GLDC: variants seen among roughly 807,000 people sequenced by gnomAD.
GLDC encodes glycine decarboxylase.
A neutral mutation model predicts 121.3 loss-of-function variants in GLDC; 104 were observed. That is an observed-to-expected ratio of 0.86 (90% CI 0.73 to 1.01). The LOEUF is 1.01. Among genes scored for constraint, GLDC ranks in the 50% least tolerant of loss-of-function variants. GLDC has a pLI of 0.00. For synonymous variants in GLDC, 546 were observed against 480.6 expected (o/e 1.14, Z -1.78); for missense variants, 1,429 against 1,306.6 (o/e 1.09, Z -1.44).
At chr9:6,558,813 G>C in intron 16 of GLDC, 129 bp from the exon 17 acceptor site, 1 of 981,202 alleles carries the variant, frequency 1.0e-6, no homozygotes, top group South Asian at 1.3e-5. Flanking sequence ...CTGAACACTA[G>C]TGCTTTAAAA....
chr9:6,559,630 C>T (rs1373005064), intron 16 of GLDC, among the ~76,000 whole-genome samples: 1 of 150,720 alleles, frequency 6.6e-6, no homozygotes, highest in East Asian at 1.9e-4. Context: ...GCCTGGCCAA[C>T]ATGGCGAAAT....
chr9:6,567,391 C>G (rs969259353), intron 15 of GLDC: 2 of 152,202 alleles, frequency 1.3e-5, no homozygotes, highest in Non-Finnish European at 2.9e-5. Context: ...CTTCATCTCC[C>G]TGTGCCTATG....
intron 2 of GLDC, among the ~76,000 whole-genome samples, chr9:6,625,065 C>A (rs1819203100): frequency 6.6e-6 from 1 of 151,920 alleles, no homozygotes. Flanking sequence ...TAAGATTCTA[C>A]TAGTGGAAGT....
At chr9:6,637,908 T>A (rs1819539759) in intron 2 of GLDC, among the ~76,000 whole-genome samples, 1 of 151,424 alleles carries the variant, frequency 6.6e-6, no homozygotes, top group South Asian at 2.1e-4. Context: ...AGGCTGGTCT[T>A]GAACTACTCG....
intron 3 of GLDC, among the ~76,000 whole-genome samples, chr9:6,618,667 T>C (rs1413243530): frequency 1.3e-5 from 2 of 152,138 alleles, no homozygotes; most frequent in African/African-American, 4.8e-5. Context: ...AGCATGGAAG[T>C]GGACTAGAAG....
In GLDC at chr9:6,552,975, T is replaced by C. The variant is rs571008745; in HGVS notation, c.2457+393A>G. On this transcript the variant is annotated intron_variant, in intron 20 of 24. Coordinates refer to ENST00000321612, the MANE Select transcript of GLDC (RefSeq NM_000170.3). ...GCAAAGTGAGATATATAGCAGGATCTCAGCAAAGTGGAATAATTAGTACAT... is the reference window on the plus strand; with the variant it reads ...GCAAAGTGAGATATATAGCAGGATCCCAGCAAAGTGGAATAATTAGTACAT... 1.6e-4 allele frequency among the ~76,000 whole-genome samples: 25 copies of C among 151,966 alleles called. No individual in the cohort carries two copies. The South Asian group carries it at 5.0e-3, about 31-fold the overall frequency.
At chr9:6,616,034 C>T (rs1818961431) in intron 3 of GLDC, among the ~76,000 whole-genome samples, 3 of 152,138 alleles carry the variant, frequency 2.0e-5, no homozygotes. Flanking sequence ...TCTGGACTCA[C>T]ATGATCTTCC....
At chr9:6,574,104 G>A (rs1224624519) in intron 15 of GLDC, among the ~76,000 whole-genome samples, 2 of 152,136 alleles carry the variant, frequency 1.3e-5, no homozygotes, top group Non-Finnish European at 2.9e-5. Flanking sequence ...GTCAAAAAAC[G>A]TAGATAAATC....
intron 15 of GLDC, among the ~76,000 whole-genome samples, chr9:6,576,882 C>CAGGATTTAATTCAGGAACA (rs1221894266): frequency 6.6e-6 from 1 of 152,190 alleles, no homozygotes; most frequent in South Asian, 2.1e-4. Flanking sequence ...AAATCTCATT[C>CAGGATTTAATTCAGGAACA]ACTTTTCTGT....
At position 6,556,965 on chromosome 9, in the gene GLDC, G is replaced by A. The variant is rs569527232; in HGVS notation, c.2053-663C>T. 2.0e-5 allele frequency among the ~76,000 whole-genome samples: 3 copies of A among 152,210 alleles called. No homozygotes were observed. The East Asian group carries it at 5.8e-4, about 29-fold the overall frequency. On this transcript the variant is annotated intron_variant, in intron 17 of 24. Transcript: ENST00000321612. ...CTCAATAACGATTTCAGACGTTTGT[G>A]GTTCTAGGTGCGTCCATTCTCATAG... is the stretch of plus-strand genomic sequence containing the variant.
rs756569757 is a variant in GLDC at position 6,592,223 on chromosome 9, G to A, written c.1402C>T (p.Leu468Phe). The change falls in exon 11 of 25, where the codon CTT becomes TTT. Residue 468 changes from leucine to phenylalanine, a missense_variant and splice_region_variant. By Grantham distance (22) the Leu-to-Phe change is conservative. Coordinates refer to ENST00000321612, the MANE Select transcript of GLDC (RefSeq NM_000170.3). ...INFRLFEDGT[L>F]GISLDETVNE... ...ACTGTTTCATCAAGAGAAATACCAA[G>A]CTACAGAAACACAAACAAAATGGAA... is the stretch of plus-strand genomic sequence containing the variant. The A allele has an allele frequency of 6.3e-7, 1 of 1,583,288 alleles. No individual in the cohort carries two copies. Among genetic ancestry groups the A allele is most frequent in the Non-Finnish European group, 8.7e-7 (1 of 1,152,568 alleles).
intron 15 of GLDC, chr9:6,566,386 T>C (rs1587932253): frequency 6.6e-6 from 1 of 152,186 alleles, no homozygotes; most frequent in Non-Finnish European, 1.5e-5. Context: ...GACACACCTA[T>C]GAGGTGAAAA....
chr9:6,631,734 A>G (rs1189389226), intron 2 of GLDC, among the ~76,000 whole-genome samples: 1 of 152,214 alleles, frequency 6.6e-6, no homozygotes, highest in African/African-American at 2.4e-5. Flanking sequence ...CAACTCAAAC[A>G]GTGTATCATG....
chr9:6,559,115 T>C (rs1817693338), intron 16 of GLDC, among the ~76,000 whole-genome samples: 1 of 152,180 alleles, frequency 6.6e-6, no homozygotes, highest in Admixed American at 6.5e-5. Context: ...CAGACGTTAA[T>C]TCCAAGGCCT....
At position 6,536,250 on chromosome 9, in the gene GLDC, C is replaced by A; in HGVS notation, c.2666-14G>T. 1 of 1,611,610 alleles carries A rather than the reference C, an allele frequency of 6.2e-7. No homozygotes were observed. ...GGGCGTGAAATCCTGCAAAGGGAGA[C>A]AGGAGAACTTGCCTCACTGAAGGTC... is the stretch of plus-strand genomic sequence containing the variant. On this transcript the variant is annotated splice_polypyrimidine_tract_variant and intron_variant, in intron 22 of 24. Transcript: ENST00000321612.
intron 3 of GLDC, among the ~76,000 whole-genome samples, chr9:6,614,877 A>G (rs1818937362): frequency 6.6e-6 from 1 of 152,220 alleles, no homozygotes. Context: ...ACCAACATGT[A>G]GAGCATGTTA....
chr9:6,626,507 G>A (rs1288408497), intron 2 of GLDC, among the ~76,000 whole-genome samples: 1 of 146,316 alleles, frequency 6.8e-6, no homozygotes, highest in Non-Finnish European at 1.5e-5. Flanking sequence ...GCCTGCCACT[G>A]TGTTTCAAGA....
intron 15 of GLDC, 129 bp downstream of exon 15, chr9:6,587,012 C>T (rs1242713978): frequency 5.2e-6 from 4 of 774,948 alleles, no homozygotes; most frequent in Non-Finnish European, 9.2e-6. Context: ...ATGCTCTCCC[C>T]AGTGGAGTGG....
chr9:6,605,524 C>G (rs1338163393), intron 5 of GLDC, among the ~76,000 whole-genome samples: 9 of 152,142 alleles, frequency 5.9e-5, no homozygotes, highest in Non-Finnish European at 1.3e-4. Context: ...TTTCCTGTCA[C>G]AATCTACTCC....
Sources: allele counts gnomAD v4.1 joint callset (sites outside exome capture counted in the v4.1 genomes callset), GRCh38; gene constraint gnomAD v4.1.1; transcripts MANE v1.5; gene names NCBI Gene and HGNC (gene_info 2026-07-23, HGNC 2026-07-21).